The following CCDC63 variants were observed in gnomAD, a reference collection of about 807,000 sequenced individuals.
CCDC63 encodes coiled-coil domain-containing protein 63.
Under a neutral mutation model 63.6 loss-of-function variants are expected in CCDC63, and 54 were observed. That is an observed-to-expected ratio of 0.85 (90% CI 0.68 to 1.07). The LOEUF (loss-of-function observed/expected upper bound fraction) is 1.07. CCDC63 is among the 50% of genes least tolerant of loss of function. The pLI, the probability that CCDC63 is intolerant of heterozygous loss-of-function variation, is 0.00. For synonymous variants in CCDC63, 253 were observed against 266.1 expected (o/e 0.95, Z 0.48); for missense variants, 637 against 689.6 (o/e 0.92, Z 0.86).
intron 10 of CCDC63, among the ~76,000 whole-genome samples, chr12:110,904,338 C>CAAA (rs112819975): frequency 8.5e-6 from 1 of 117,052 alleles, no homozygotes; most frequent in Non-Finnish European, 1.8e-5. Context: ...CAGACCTTGT[C>CAAA]AAAAAAAAAA....
intron 5 of CCDC63, among the ~76,000 whole-genome samples, chr12:110,878,353 T>A (rs991562215): frequency 2.0e-5 from 3 of 151,944 alleles, no homozygotes; most frequent in African/African-American, 7.3e-5. Context: ...CTCACTCTGT[T>A]GCCCAGGCTG....
chr12:110,862,367 T>C (rs1821706706), intron 4 of CCDC63, among the ~76,000 whole-genome samples: 1 of 152,122 alleles, frequency 6.6e-6, no homozygotes, highest in African/African-American at 2.4e-5. Flanking sequence ...TCACTGGAGG[T>C]GGGGACCTCC....
At chr12:110,866,161 A>G (rs962138787) in intron 4 of CCDC63, among the ~76,000 whole-genome samples, 4 of 152,058 alleles carry the variant, frequency 2.6e-5, no homozygotes, top group African/African-American at 9.7e-5. Flanking sequence ...TATTTTTAGT[A>G]GAGATGGGGT....
chr12:110,873,990 A>G (rs760848277), intron 5 of CCDC63, 29 bp downstream of exon 5: 3 of 1,597,104 alleles, frequency 1.9e-6, no homozygotes, highest in African/African-American at 1.4e-5. Context: ...GCAGCTCTGC[A>G]AACAGCTCTG....
chr12:110,866,972 A>G (rs370701603), intron 4 of CCDC63, among the ~76,000 whole-genome samples: 2 of 130,950 alleles, frequency 1.5e-5, no homozygotes, highest in Admixed American at 7.5e-5. Flanking sequence ...TCCCTCCCGG[A>G]CGGGGCGGCT....
rs1179729678 is a variant in CCDC63 at position 110,895,107 on chromosome 12, T to TTTAA, written c.1149+1976_1149+1979dup. ...TTTAATTTTTAATTTATTTTTTAAT[T>TTTAA]TTAATTAATTAATTAATTAATTTTG... On this transcript the variant is annotated intron_variant, in intron 9 of 11. Coordinates refer to ENST00000308208, the MANE Select transcript of CCDC63 (RefSeq NM_152591.3). Among the ~76,000 whole-genome samples the TTTAA allele has an allele frequency of 5.3e-5, 8 of 149,968 alleles. No homozygotes were observed. The South Asian group carries it at 1.3e-3, about 24-fold the overall frequency.
chr12:110,858,545 C>G, intron 3 of CCDC63, 41 bp from the exon 4 acceptor site: 1 of 1,568,832 alleles, frequency 6.4e-7, no homozygotes, highest in East Asian at 2.3e-5. Context: ...TCAAGTTAAA[C>G]TTAGGGGTTT....
intron 9 of CCDC63, among the ~76,000 whole-genome samples, chr12:110,893,652 G>C (rs2071384698): frequency 6.6e-6 from 1 of 152,214 alleles, no homozygotes; most frequent in African/African-American, 2.4e-5. Context: ...TACAGATGCA[G>C]AGGCTAAGGT....
chr12:110,881,588 G>A (rs952499628), intron 7 of CCDC63, among the ~76,000 whole-genome samples: 1 of 152,064 alleles, frequency 6.6e-6, no homozygotes, highest in South Asian at 2.1e-4. Flanking sequence ...TGGACATAGT[G>A]GTGAGTGCCT....
At chr12:110,868,052 C>T (rs2070999759) in intron 4 of CCDC63, among the ~76,000 whole-genome samples, 2 of 143,100 alleles carry the variant, frequency 1.4e-5, no homozygotes, top group African/African-American at 5.3e-5. Flanking sequence ...ACCTCCCAGA[C>T]GGGGTCTCGG....
chr12:110,898,475 G>A (rs1347507404), intron 9 of CCDC63, among the ~76,000 whole-genome samples: 1 of 151,330 alleles, frequency 6.6e-6, no homozygotes, highest in Non-Finnish European at 1.5e-5. Context: ...AAAGTTAGCT[G>A]GGCATGGTGG....
At chr12:110,883,742 C>A (rs12368696) in intron 7 of CCDC63, among the ~76,000 whole-genome samples, 1 of 152,048 alleles carries the variant, frequency 6.6e-6, no homozygotes, top group Non-Finnish European at 1.5e-5. Flanking sequence ...CAGGTTCAAG[C>A]AATTCTCCTG....
intron 8 of CCDC63, 63 bp downstream of exon 8, chr12:110,884,313 A>G: frequency 1.5e-6 from 2 of 1,358,564 alleles, no homozygotes; most frequent in South Asian, 2.3e-5. Context: ...TTTCCAGGGC[A>G]GTCTCCTAGG....
upstream of CCDC63, among the ~76,000 whole-genome samples, chr12:110,845,405 T>C (rs913241831): frequency 1.3e-5 from 2 of 152,156 alleles, no homozygotes; most frequent in African/African-American, 4.8e-5. Context: ...ACAGGGAGCC[T>C]TGGGTTCAAA....
At position 110,904,630 on chromosome 12, in the gene CCDC63, C is replaced by G. The variant is rs747336794; in HGVS notation, c.1385C>G (p.Thr462Ser). The G allele has an allele frequency of 1.1e-5, 18 of 1,614,070 alleles. No individual in the cohort carries two copies. The highest frequency in any genetic ancestry group is 1.4e-5 in the Non-Finnish European group (17 of 1,180,016). Residue 462 changes from threonine to serine, a missense_variant, in exon 11 of 12, where the codon ACC becomes AGC. Thr to Ser is a moderately conservative substitution (Grantham distance 58, BLOSUM62 1). Transcript: ENST00000308208. ...ACCAACGACCTGCTGCTGTTGGAGA[C>G]CTACAGGCGCATCCTGGAAGTGGAA... Reference protein sequence around the residue: ...KKTNDLLLLETYRRILEVEGA... With the variant: ...KKTNDLLLLESYRRILEVEGA...
intron 10 of CCDC63, among the ~76,000 whole-genome samples, chr12:110,900,333 C>T (rs1241709079): frequency 5.3e-5 from 8 of 152,092 alleles, no homozygotes; most frequent in East Asian, 1.9e-4. Context: ...GGGATGTCTG[C>T]GTGCTGTCAC....
At chr12:110,868,551 G>A (rs1028843611) in intron 4 of CCDC63, among the ~76,000 whole-genome samples, 1 of 151,208 alleles carries the variant, frequency 6.6e-6, no homozygotes, top group Admixed American at 6.6e-5. Context: ...CCAACACAGC[G>A]AAACCCCGTC....
At chr12:110,862,163 T>C (rs532056996) in intron 4 of CCDC63, among the ~76,000 whole-genome samples, 67 of 152,186 alleles carry the variant, frequency 4.4e-4, no homozygotes, top group African/African-American at 1.3e-3. Flanking sequence ...AAGAGAAAAA[T>C]TGAAGAGGAG....
At chr12:110,861,448 C>T (rs2070852115) in intron 4 of CCDC63, among the ~76,000 whole-genome samples, 1 of 152,194 alleles carries the variant, frequency 6.6e-6, no homozygotes. Flanking sequence ...TTCTTCGTGT[C>T]CTTTAAGCCC....
Sources: allele counts gnomAD v4.1 joint callset (sites outside exome capture counted in the v4.1 genomes callset), GRCh38; gene constraint gnomAD v4.1.1; transcripts MANE v1.5; gene names NCBI Gene and HGNC (gene_info 2026-07-23, HGNC 2026-07-21).